ALDH1A3: variants seen among roughly 807,000 people sequenced by gnomAD.
The protein encoded by ALDH1A3 is retinaldehyde dehydrogenase 3.
Under a neutral mutation model 57.5 loss-of-function variants are expected in ALDH1A3, and 28 were observed. That is an observed-to-expected ratio of 0.49 (90% CI 0.36 to 0.67). The LOEUF is 0.67. Ranked by LOEUF, ALDH1A3 falls within the 30% of genes least tolerant of loss-of-function variation. The probability of loss-of-function intolerance (pLI) is 0.00; values close to 1 mark genes in which losing one functional copy is unlikely to be tolerated. For synonymous variants in ALDH1A3, 281 were observed against 264.8 expected (o/e 1.06, Z -0.59); for missense variants, 507 against 669.4 (o/e 0.76, Z 2.68).
chr15:100,897,755 G>A (rs2041722224), intron 7 of ALDH1A3, among the ~76,000 whole-genome samples: 1 of 152,250 alleles, frequency 6.6e-6, no homozygotes, highest in Non-Finnish European at 1.5e-5. Flanking sequence ...GGACCAGCCT[G>A]CTGGGCTCAG....
At chr15:100,908,340 T>C in intron 11 of ALDH1A3, 68 bp from the exon 12 acceptor site, 4 of 1,344,314 alleles carry the variant, frequency 3.0e-6, no homozygotes, top group Non-Finnish European at 4.3e-6. Context: ...GGGGGCTAAG[T>C]GGCTGCAGTG....
intron 9 of ALDH1A3, among the ~76,000 whole-genome samples, chr15:100,901,794 T>G (rs1418395468): frequency 6.6e-6 from 1 of 152,244 alleles, no homozygotes; most frequent in African/African-American, 2.4e-5. Flanking sequence ...CAGGCTGTCC[T>G]GTGGGGATGC....
Position 100,900,635 on chromosome 15 carries a change from C to T in ALDH1A3, c.944C>T (p.Thr315Met), listed in dbSNP as rs1358926550. The change falls in exon 9 of 13, where the codon ACG becomes ATG. Residue 315 changes from threonine to methionine, a missense_variant. By Grantham distance (81) the Thr-to-Met change is moderately conservative. Transcript: ENST00000329841. ...GVFFNQGQCCTAASRVFVEEQ... is the reference protein window; with the variant it reads ...GVFFNQGQCCMAASRVFVEEQ... Reference sequence around the variant, plus strand: ...TTCTTCAACCAAGGCCAGTGTTGCACGGCAGCCTCCAGGGTGTTCGTGGAG... The same window carrying T: ...TTCTTCAACCAAGGCCAGTGTTGCATGGCAGCCTCCAGGGTGTTCGTGGAG... 6 of 1,611,478 alleles carry T rather than the reference C, an allele frequency of 3.7e-6. No individual in the cohort carries two copies. Among genetic ancestry groups the T allele is most frequent in the Non-Finnish European group, 5.1e-6 (6 of 1,178,782 alleles).
At chr15:100,912,779 G>A (rs902492851) in intron 12 of ALDH1A3, among the ~76,000 whole-genome samples, 3 of 152,176 alleles carry the variant, frequency 2.0e-5, no homozygotes, top group Admixed American at 6.5e-5. Flanking sequence ...CTCAGGGAAG[G>A]CAAAGAACTT....
At chr15:100,885,569 C>A (rs1339079095) in intron 2 of ALDH1A3, among the ~76,000 whole-genome samples, 198 bp downstream of exon 2, 1 of 152,028 alleles carries the variant, frequency 6.6e-6, no homozygotes, top group African/African-American at 2.4e-5. Flanking sequence ...TGCAGAGAAT[C>A]ATTCTCCCTT....
intron 1 of ALDH1A3, chr15:100,881,193 G>A (rs2041544252): frequency 6.6e-6 from 1 of 152,220 alleles, no homozygotes; most frequent in African/African-American, 2.4e-5. Context: ...TGTCGGCTGA[G>A]CCTCTGATCA....
chr15:100,903,295 G>A (rs1199375025), intron 9 of ALDH1A3, among the ~76,000 whole-genome samples: 2 of 152,072 alleles, frequency 1.3e-5, no homozygotes, highest in African/African-American at 2.4e-5. Flanking sequence ...ATTTTTACAC[G>A]GAAGTTTCCA....
chr15:100,898,462 G>T (rs549667812), intron 8 of ALDH1A3, among the ~76,000 whole-genome samples: 1 of 152,222 alleles, frequency 6.6e-6, no homozygotes, highest in East Asian at 1.9e-4. Flanking sequence ...GCGCCTTAGC[G>T]TTAAGTTTAC....
rs2041632067 is a variant in ALDH1A3 at position 100,889,867 on chromosome 15, T to C, written c.345+2155T>C. On this transcript the variant is annotated intron_variant, in intron 3 of 12. Coordinates refer to ENST00000329841, the MANE Select transcript of ALDH1A3 (RefSeq NM_000693.4). The surrounding 1 kb of genome is among the most constrained non-coding windows in gnomAD (Gnocchi z 5.1). ...AACATGAAAGGGACAAGAGAATTACTGGCAAACACGGTTTTTAAAACTCCA... is the reference window on the plus strand; with the variant it reads ...AACATGAAAGGGACAAGAGAATTACCGGCAAACACGGTTTTTAAAACTCCA... 6.6e-6 allele frequency among the ~76,000 whole-genome samples: 1 copy of C among 152,228 alleles called. No homozygotes were observed. Among genetic ancestry groups the C allele is most frequent in the Admixed American group, 6.5e-5 (1 of 15,288 alleles).
Position 100,914,630 on chromosome 15 carries a change from C to CTCAGAACAGTTTCTACACAATCTCT in ALDH1A3, c.1467-50_1467-49insCTCTTCAGAACAGTTTCTACACAAT. 2.7e-6 allele frequency: 4 copies of CTCAGAACAGTTTCTACACAATCTCT among 1,459,816 alleles called. No individual in the cohort carries two copies. The Admixed American group carries it at 5.7e-5, about 21-fold the overall frequency. 90.4% of individuals were successfully genotyped at this position (1,459,816 alleles called of 1,614,324 possible). The stretch of plus-strand genomic sequence containing the variant: ...CAACGGCCTGATGGAATGATGAAGC[C>CTCAGAACAGTTTCTACACAATCTCT]TCAGAACAGTTTCTACACAATGGCT... On this transcript the variant is annotated intron_variant, in intron 12 of 12. Transcript: ENST00000329841.
In ALDH1A3 at chr15:100,887,726, C is replaced by G; in HGVS notation, c.345+14C>G. 2 of 1,573,098 alleles carry G rather than the reference C, an allele frequency of 1.3e-6. No homozygotes were observed. Among genetic ancestry groups the G allele is most frequent in the Non-Finnish European group, 1.7e-6 (2 of 1,155,914 alleles). On this transcript the variant is annotated intron_variant, in intron 3 of 12. Coordinates refer to ENST00000329841, the MANE Select transcript of ALDH1A3 (RefSeq NM_000693.4). The surrounding 1 kb of genome is among the most constrained non-coding windows in gnomAD (Gnocchi z 4.6). ...GCCACCTTGGCCGTGAGTACATGCA[C>G]TTGGGGGCCGGTGGGGGATGAGCCA...
At chr15:100,884,402 A>C (rs976494760) in intron 1 of ALDH1A3, among the ~76,000 whole-genome samples, 2 of 152,130 alleles carry the variant, frequency 1.3e-5, no homozygotes, top group African/African-American at 4.8e-5. Flanking sequence ...TTTCATTCTC[A>C]TCTGCATTCT....
chr15:100,892,872 T>C (rs2041663938), intron 4 of ALDH1A3, 73 bp from the exon 5 acceptor site: 2 of 1,522,796 alleles, frequency 1.3e-6, no homozygotes, highest in African/African-American at 1.4e-5. Context: ...TTCTTTCTTG[T>C]CTTTTTACTA....
Position 100,915,564 on chromosome 15 carries a change from C to T in ALDH1A3, c.*791C>T, listed in dbSNP as rs1169830357. 6.6e-6 allele frequency: 1 copy of T among 152,240 alleles called. No homozygotes were observed. Among genetic ancestry groups the T allele is most frequent in the Non-Finnish European group, 1.5e-5 (1 of 68,036 alleles). The allele number at this position is 152,240 out of a possible 1,614,324, so 9.4% of individuals were successfully genotyped here. On this transcript the variant is annotated 3_prime_UTR_variant, in exon 13 of 13. Coordinates refer to ENST00000329841, the MANE Select transcript of ALDH1A3 (RefSeq NM_000693.4). The stretch of plus-strand genomic sequence containing the variant: ...CCTTTGCTGCTAAAGATCCAATCTT[C>T]TAACGCCACAACAGCATAGCAAATC...
rs183477413 is a variant in ALDH1A3, at chr15:100,906,220, C to G, written c.1233+533C>G. 7.9e-5 allele frequency among the ~76,000 whole-genome samples: 12 copies of G among 152,202 alleles called. No individual in the cohort carries two copies. Among genetic ancestry groups the G allele is most frequent in the African/African-American group, 2.9e-4 (12 of 41,454 alleles). On this transcript the variant is annotated intron_variant, in intron 10 of 12. Coordinates refer to ENST00000329841, the MANE Select transcript of ALDH1A3 (RefSeq NM_000693.4). The surrounding 1 kb of genome is among the most constrained non-coding windows in gnomAD (Gnocchi z 4.8). ...ATGAGGGAAATTAAGGAGACTCCCC[C>G]ACTCCCATAAGAGTGTAAATCTTTC...
At chr15:100,907,012 T>C (rs1350557000) in intron 10 of ALDH1A3, 109 bp from the exon 11 acceptor site, 1 of 1,245,384 alleles carries the variant, frequency 8.0e-7, no homozygotes, top group Non-Finnish European at 1.1e-6. Context: ...TTCAGGCATG[T>C]GTGTGCTCTG....
Position 100,893,992 on chromosome 15 carries a change from AC to A in ALDH1A3, c.579del (p.Ala194ProfsTer10). On this transcript the variant is annotated frameshift_variant, in exon 6 of 13. Coordinates refer to ENST00000329841, the MANE Select transcript of ALDH1A3 (RefSeq NM_000693.4). LOFTEE classifies it high-confidence loss of function. This position sits in a 1 kb window ranked among gnomAD's most constrained non-coding sequence, Gnocchi z 4.8. ...TGCTGATGCTGGTGTGGAAGCTGGC[AC>A]CCGCCCTCTGCTGTGGGAACACCAT... ...PLLMLVWKLAPALCCGNTMVL... is the reference protein window; with the variant it reads ...PLLMLVWKLAXALCCGNTMVL... 6.2e-7 allele frequency: 1 copy of A among 1,614,140 alleles called. No homozygotes were observed. Among genetic ancestry groups the A allele is most frequent in the Non-Finnish European group, 8.5e-7 (1 of 1,180,022 alleles).
chr15:100,883,904 A>G (rs1243874778), intron 1 of ALDH1A3, among the ~76,000 whole-genome samples: 2 of 152,194 alleles, frequency 1.3e-5, no homozygotes, highest in Admixed American at 6.5e-5. Flanking sequence ...AAATGAATCA[A>G]TTTCACAATA....
At chr15:100,896,850 G>A (rs1217908122) in intron 7 of ALDH1A3, among the ~76,000 whole-genome samples, 2 of 152,186 alleles carry the variant, frequency 1.3e-5, no homozygotes, top group Admixed American at 6.5e-5. Context: ...ACAGCAAACG[G>A]TAGAAAATTA....
Sources: gnomAD v4.1 joint callset for allele counts (sites outside exome capture counted in the v4.1 genomes callset) on GRCh38, gnomAD v4.1.1 for gene constraint, Gnocchi (gnomAD v3.1) non-coding constraint, MANE v1.5 for transcripts, NCBI Gene and HGNC (gene_info 2026-07-23, HGNC 2026-07-21) for gene names.